MEAK7: variants seen among roughly 807,000 people sequenced by gnomAD.
The protein encoded by MEAK7 is MTOR-associated protein MEAK7.
Under a neutral mutation model 40.5 loss-of-function variants are expected in MEAK7, and 68 were observed. That is an observed-to-expected ratio of 1.68 (90% CI 1.38 to 2.06). The LOEUF (loss-of-function observed/expected upper bound fraction) is 2.06, where lower values mean the gene tolerates loss of function less well. Among genes scored for constraint, MEAK7 ranks in the 30% most tolerant of loss-of-function variants. The pLI, the probability that MEAK7 is intolerant of heterozygous loss-of-function variation, is 0.00. For missense variants in MEAK7, 918 were observed against 580.5 expected (o/e 1.58, Z -5.98); for synonymous variants, 338 against 231.9 (o/e 1.46, Z -4.16).
chr16:84,480,478 GC>G (rs1371151340), intron 7 of MEAK7, 50 bp downstream of exon 7: 1 of 1,518,122 alleles, frequency 6.6e-7, no homozygotes, highest in Non-Finnish European at 8.8e-7. Context: ...ATGCAGAAAG[GC>G]CCCCAGGCTC....
At chr16:84,488,333 A>G (rs1913274173) in intron 4 of MEAK7, 1 of 152,140 alleles carries the variant, frequency 6.6e-6, no homozygotes, top group Non-Finnish European at 1.5e-5. Flanking sequence ...AATATAACCT[A>G]TTTTCAAGCT....
chr16:84,499,500 A>C lies in MEAK7; in HGVS notation c.-25-1389T>G, dbSNP rs149112199. ...TCAAACCCTCAAGGGGTAACAGGGTAATCAGGATCTTTCTCTTCATTGCGA... is the reference window on the plus strand; with the variant it reads ...TCAAACCCTCAAGGGGTAACAGGGTCATCAGGATCTTTCTCTTCATTGCGA... On this transcript the variant is annotated intron_variant, in intron 1 of 7. Coordinates refer to ENST00000343629, the MANE Select transcript of MEAK7 (RefSeq NM_020947.4). Among the ~76,000 whole-genome samples the C allele has an allele frequency of 5.1e-3, 778 of 152,346 alleles. 11 individuals are homozygous for C. The highest frequency in any genetic ancestry group is 0.017 in the African/African-American group (704 of 41,584).
intron 5 of MEAK7, among the ~76,000 whole-genome samples, chr16:84,483,143 A>ACGCCGAGCAGGTGGGG: frequency 6.6e-6 from 1 of 152,238 alleles, no homozygotes; most frequent in African/African-American, 2.4e-5. Context: ...CCCCGGCCTG[A>ACGCCGAGCAGGTGGGG]AAGAACGTAC....
intron 1 of MEAK7, among the ~76,000 whole-genome samples, chr16:84,502,057 T>C (rs1189765379): frequency 2.0e-5 from 3 of 152,014 alleles, no homozygotes; most frequent in Admixed American, 6.6e-5. Flanking sequence ...GGCAGGAGAA[T>C]TGCTTGAACC....
At chr16:84,494,994 C>T (rs566468543) in intron 3 of MEAK7, among the ~76,000 whole-genome samples, 2 of 152,298 alleles carry the variant, frequency 1.3e-5, no homozygotes, top group Non-Finnish European at 2.9e-5. Context: ...AGCTGGCCAG[C>T]GTGGTGGCTC....
rs1177788434 is a variant in MEAK7, at chr16:84,482,668, G to T, written c.1001C>A (p.Ala334Asp). The T allele has an allele frequency of 2.7e-5, 43 of 1,614,132 alleles. No individual in the cohort carries two copies. The highest frequency in any genetic ancestry group is 3.6e-5 in the Non-Finnish European group (43 of 1,180,052). ...GTTGTAGCCCGTGTGTGTGTACACA[G>T]CCATGCTGGGGCAGATGGAGAACAG... Reference protein sequence around the residue: ...CFLFSICPSMAVYTHTGYNDH... With the variant: ...CFLFSICPSMDVYTHTGYNDH... The change falls in exon 6 of 8, where the codon GCT becomes GAT. Residue 334 changes from alanine to aspartate, a missense_variant. Physicochemically the swap from Ala to Asp is moderately radical, Grantham distance 126. Transcript: ENST00000343629.
chr16:84,497,903 C>T (rs369363155), intron 2 of MEAK7, 31 bp downstream of exon 2: 3 of 1,614,084 alleles, frequency 1.9e-6, no homozygotes, highest in East Asian at 2.2e-5. Flanking sequence ...CTGCTCCCAA[C>T]TAAACATGAA....
In MEAK7 at chr16:84,480,729, G is replaced by A. The variant is rs76051956; in HGVS notation, c.1078-21C>T. 29 of 1,598,302 alleles carry A rather than the reference G, an allele frequency of 1.8e-5. No homozygotes were observed. In the East Asian group the frequency reaches 6.1e-4, roughly 33 times the overall value. On this transcript the variant is annotated intron_variant, in intron 6 of 7. Transcript: ENST00000343629. ...ATACCCTGCAAAGGAAGCCAGGACA[G>A]AGAATAGCATCAGCAACTCCTCAGG... is the stretch of plus-strand genomic sequence containing the variant.
At chr16:84,484,054 C>A (rs1912818640) in intron 5 of MEAK7, among the ~76,000 whole-genome samples, 1 of 152,200 alleles carries the variant, frequency 6.6e-6, no homozygotes, top group Non-Finnish European at 1.5e-5. Context: ...CCGCCCCGCT[C>A]TCCCCGACTG....
intron 2 of MEAK7, chr16:84,497,494 C>T (rs1033736257): frequency 4.7e-5 from 60 of 1,289,988 alleles, no homozygotes; most frequent in Middle Eastern, 4.2e-4. Flanking sequence ...GACCCATCAC[C>T]GCGTCTGTCT....
At chr16:84,498,219 A>T in intron 1 of MEAK7, 108 bp from the exon 2 acceptor site, 1 of 1,301,572 alleles carries the variant, frequency 7.7e-7, no homozygotes, top group Non-Finnish European at 1.0e-6. Flanking sequence ...ATAGCCACAA[A>T]ATGTAGCTAA....
chr16:84,491,142 A>G (rs995574221), intron 3 of MEAK7, among the ~76,000 whole-genome samples: 1 of 152,238 alleles, frequency 6.6e-6, no homozygotes, highest in African/African-American at 2.4e-5. Context: ...TATTTAAATC[A>G]AAAACAGAAG....
chr16:84,480,084 C>T (rs2150621299), intron 7 of MEAK7, 58 bp from the exon 8 acceptor site: 5 of 1,369,358 alleles, frequency 3.7e-6, no homozygotes, highest in East Asian at 2.5e-5. Flanking sequence ...GAGGCAGCAG[C>T]TTCCTGCTAG....
At chr16:84,488,679 C>T (rs1045947613) in intron 4 of MEAK7, among the ~76,000 whole-genome samples, 1 of 152,158 alleles carries the variant, frequency 6.6e-6, no homozygotes, top group Non-Finnish European at 1.5e-5. Context: ...AAATAACACA[C>T]TGTTACATAG....
rs556690929 is a variant in MEAK7 at position 84,491,348 on chromosome 16, G to A, written c.385-1926C>T. 5.3e-5 allele frequency among the ~76,000 whole-genome samples: 8 copies of A among 152,110 alleles called. No individual in the cohort carries two copies. The East Asian group carries it at 9.7e-4, about 18-fold the overall frequency. Reference sequence around the variant, plus strand: ...AGGTTAGGAGGTCGCGACCAGCCTGGCCAACATGATGAGACCCCCGTCTCT... The same window carrying A: ...AGGTTAGGAGGTCGCGACCAGCCTGACCAACATGATGAGACCCCCGTCTCT... On this transcript the variant is annotated intron_variant, in intron 3 of 7. Coordinates refer to ENST00000343629, the MANE Select transcript of MEAK7 (RefSeq NM_020947.4).
rs764300816 is a variant in MEAK7, at chr16:84,480,643, G to A, written c.1143C>T (p.Ser381=). The A allele has an allele frequency of 6.2e-6, 10 of 1,613,932 alleles. No individual in the cohort carries two copies. In the East Asian group the frequency reaches 2.2e-4, roughly 36 times the overall value. The part of the protein sequence containing the change: ...WVDVDFGKGH[S]RAKPTCTTYN... The stretch of plus-strand genomic sequence containing the variant: ...ACGTGGTGCACGTGGGCTTGGCTCT[G>A]CTGTGTCCTTTCCCAAAATCAACAT... Residue 381 remains serine (S), a synonymous_variant, in exon 7 of 8, where the codon AGC becomes AGT. Transcript: ENST00000343629.
chr16:84,496,107 C>T (rs547055367), intron 2 of MEAK7, among the ~76,000 whole-genome samples, 194 bp from the exon 3 acceptor site: 2 of 152,292 alleles, frequency 1.3e-5, no homozygotes, highest in Admixed American at 6.5e-5. Context: ...ATGCAAATGC[C>T]GGCCATTAGA....
chr16:84,484,214 G>T (rs762655822), intron 5 of MEAK7, among the ~76,000 whole-genome samples: 1 of 152,214 alleles, frequency 6.6e-6, no homozygotes, highest in Non-Finnish European at 1.5e-5. Flanking sequence ...AAAGCCAGGA[G>T]GGGGAAGCAT....
chr16:84,480,345 C>T (rs1371164837), intron 7 of MEAK7, among the ~76,000 whole-genome samples, 184 bp downstream of exon 7: 1 of 152,184 alleles, frequency 6.6e-6, no homozygotes, highest in Non-Finnish European at 1.5e-5. Flanking sequence ...CTAAACCACC[C>T]ACAAATCCCA....
Sources: gnomAD v4.1 joint callset for allele counts (sites outside exome capture counted in the v4.1 genomes callset) on GRCh38, gnomAD v4.1.1 for gene constraint, MANE v1.5 for transcripts, NCBI Gene and HGNC (gene_info 2026-07-23, HGNC 2026-07-21) for gene names.